CUEDC2: variants seen among roughly 807,000 people sequenced by gnomAD.
The protein encoded by CUEDC2 is CUE domain-containing protein 2.
In CUEDC2, 10 loss-of-function variants were observed where a neutral mutation model predicts 36.0. That is an observed-to-expected ratio of 0.28 (90% CI 0.17 to 0.47). The LOEUF is 0.47. Ranked by LOEUF, CUEDC2 falls within the 20% of genes least tolerant of loss-of-function variation. CUEDC2 has a pLI of 0.99. For missense variants in CUEDC2, 269 were observed against 368.1 expected (o/e 0.73, Z 2.20); for synonymous variants, 133 against 141.8 (o/e 0.94, Z 0.44).
chr10:102,423,483 C>T lies in CUEDC2; in HGVS notation c.807G>A (p.Glu269=). Residue 269 remains glutamate, a synonymous_variant, in exon 9 of 9, where the codon GAG becomes GAA. Transcript: ENST00000369937. This position sits in a 1 kb window ranked among gnomAD's most constrained non-coding sequence, Gnocchi z 5.6. Reference sequence around the variant, plus strand: ...GGTTGATGTATGTGGCCTTCATCTCCTCGGCCTCAGGGTTCCGCACATCTT... The same window carrying T: ...GGTTGATGTATGTGGCCTTCATCTCTTCGGCCTCAGGGTTCCGCACATCTT... ...RFKDVRNPEA[E]EMKATYINLK... is the part of the protein sequence containing the mutation. 1 of 1,614,230 alleles carries T rather than the reference C, an allele frequency of 6.2e-7. No individual in the cohort carries two copies. The highest frequency in any genetic ancestry group is 1.1e-5 in the South Asian group (1 of 91,082).
Position 102,424,246 on chromosome 10 carries a change from AC to A in CUEDC2, c.411+17del. The A allele has an allele frequency of 6.2e-7, 1 of 1,611,984 alleles. No homozygotes were observed. Among genetic ancestry groups the A allele is most frequent in the South Asian group, 1.1e-5 (1 of 90,884 alleles). On this transcript the variant is annotated intron_variant, in intron 5 of 8. Transcript: ENST00000369937. This position sits in a 1 kb window ranked among gnomAD's most constrained non-coding sequence, Gnocchi z 4.2. Reference sequence around the variant, plus strand: ...CCAGCCCCCTGGGTCCCTCATCGGTACCCTCCTCTACCAGTACCTCATCTTG... The same window carrying A: ...CCAGCCCCCTGGGTCCCTCATCGGTACCTCCTCTACCAGTACCTCATCTTG...
intron 1 of CUEDC2, among the ~76,000 whole-genome samples, chr10:102,429,995 T>G (rs537435150): frequency 3.6e-4 from 55 of 151,318 alleles, no homozygotes; most frequent in African/African-American, 1.3e-3. Flanking sequence ...AGACGGGGTT[T>G]CACCATGTTG....
At chr10:102,431,774 C>A (rs2061617322) in intron 1 of CUEDC2, among the ~76,000 whole-genome samples, 1 of 152,224 alleles carries the variant, frequency 6.6e-6, no homozygotes, top group Non-Finnish European at 1.5e-5. Flanking sequence ...AACTGCCCCA[C>A]CTTCACTGCT....
At chr10:102,429,891 C>T (rs566369214) in intron 1 of CUEDC2, among the ~76,000 whole-genome samples, 17 of 149,394 alleles carry the variant, frequency 1.1e-4, no homozygotes, top group African/African-American at 3.5e-4. Flanking sequence ...GTGAACCTGA[C>T]AGGGTCAAGC....
Position 102,424,119 on chromosome 10 carries a change from A to T in CUEDC2, c.471T>A (p.Pro157=). Residue 157 remains proline, a synonymous_variant, in exon 6 of 9, where the codon CCT becomes CCA. Coordinates refer to ENST00000369937, the MANE Select transcript of CUEDC2 (RefSeq NM_024040.3). This position sits in a 1 kb window ranked among gnomAD's most constrained non-coding sequence, Gnocchi z 4.2. ...PGVDVLLEVF[P]TCSVEQAQWV... The stretch of plus-strand genomic sequence containing the variant: ...ACTGGGCCTGCTCCACCGAACAGGT[A>T]GGGAACACCTCCAGGAGTACATCCA... 1.9e-6 allele frequency: 3 copies of T among 1,614,122 alleles called. No homozygotes were observed. Among genetic ancestry groups the T allele is most frequent in the Non-Finnish European group, 2.5e-6 (3 of 1,179,984 alleles).
At chr10:102,429,101 CT>C (rs1474761939) in intron 1 of CUEDC2, among the ~76,000 whole-genome samples, 1 of 152,114 alleles carries the variant, frequency 6.6e-6, no homozygotes, top group Non-Finnish European at 1.5e-5. Context: ...GACATCACCC[CT>C]GACCTAGAAC....
intron 1 of CUEDC2, among the ~76,000 whole-genome samples, chr10:102,429,389 G>A (rs559267272): frequency 1.8e-4 from 27 of 151,922 alleles, no homozygotes; most frequent in East Asian, 7.7e-4. Context: ...GCTTGACTGC[G>A]GTAGTCAGAT....
At chr10:102,427,695 C>G (rs539023468) in intron 1 of CUEDC2, among the ~76,000 whole-genome samples, 1 of 152,254 alleles carries the variant, frequency 6.6e-6, no homozygotes, top group South Asian at 2.1e-4. Flanking sequence ...CCCTTCTCCC[C>G]ACTCCATCTT....
intron 1 of CUEDC2, among the ~76,000 whole-genome samples, chr10:102,426,952 C>T (rs537841479): frequency 1.2e-4 from 18 of 152,100 alleles, no homozygotes; most frequent in Non-Finnish European, 1.9e-4. Context: ...CATGAGTCAC[C>T]GTGCCCGGCC....
chr10:102,424,035 TC>T lies in CUEDC2; in HGVS notation c.554del (p.Gly185GlufsTer28). On this transcript the variant is annotated frameshift_variant, in exon 6 of 9. Transcript: ENST00000369937. LOFTEE classifies it high-confidence loss of function. This position sits in a 1 kb window ranked among gnomAD's most constrained non-coding sequence, Gnocchi z 4.2. ...LEEAVQMLVE[G>X]KEEGPAAWEG... ...CCCAGGCTGCAGGCCCCTCTTCCTT[TC>T]CCTCTACCAGCATCTGCACAGCTTC... 1.9e-6 allele frequency: 3 copies of T among 1,614,044 alleles called. No individual in the cohort carries two copies. The highest frequency in any genetic ancestry group is 2.5e-6 in the Non-Finnish European group (3 of 1,179,972).
In CUEDC2 at chr10:102,423,516, C is replaced by T. The variant is rs1263287117; in HGVS notation, c.774G>A (p.Glu258=). 6.2e-7 allele frequency: 1 copy of T among 1,614,214 alleles called. No homozygotes were observed. Among genetic ancestry groups the T allele is most frequent in the Middle Eastern group, 1.6e-4 (1 of 6,062 alleles). ...IDNQVVSTKG[E]RFKDVRNPEA... ...CAGGGTTCCGCACATCTTTGAATCG[C>T]TCCCCTTTGGTGCTCACTACCTGGT... The change falls in exon 9 of 9, where the codon GAG becomes GAA. Residue 258 remains glutamate (E), a synonymous_variant. Transcript: ENST00000369937. This position sits in a 1 kb window ranked among gnomAD's most constrained non-coding sequence, Gnocchi z 5.6.
intron 1 of CUEDC2, among the ~76,000 whole-genome samples, chr10:102,425,655 C>T (rs766650842): frequency 6.6e-6 from 1 of 151,916 alleles, no homozygotes; most frequent in Non-Finnish European, 1.5e-5. Context: ...GAACAGGCCA[C>T]CCACCCTCTG....
rs768759478 is a variant in CUEDC2 at position 102,424,212 on chromosome 10, C to A, written c.412-34G>T. On this transcript the variant is annotated intron_variant, in intron 5 of 8. Transcript: ENST00000369937. The surrounding 1 kb of genome is among the most constrained non-coding windows in gnomAD (Gnocchi z 4.2). The stretch of plus-strand genomic sequence containing the variant: ...ACAAACGTTAACAAGAGGCAATACT[C>A]CCCCCTTTCCAGCCCCCTGGGTCCC... 2 of 1,610,558 alleles carry A rather than the reference C, an allele frequency of 1.2e-6. No individual in the cohort carries two copies. Among genetic ancestry groups the A allele is most frequent in the East Asian group, 4.5e-5 (2 of 44,840 alleles).
chr10:102,424,776 T>A lies in CUEDC2; in HGVS notation c.91A>T (p.Ile31Phe). 1 of 1,613,596 alleles carries A rather than the reference T, an allele frequency of 6.2e-7. No individual in the cohort carries two copies. Among genetic ancestry groups the A allele is most frequent in the Non-Finnish European group, 8.5e-7 (1 of 1,179,970 alleles). Residue 31 changes from isoleucine to phenylalanine, a missense_variant, in exon 3 of 9, where the codon ATC becomes TTC. Coordinates refer to ENST00000369937, the MANE Select transcript of CUEDC2 (RefSeq NM_024040.3). The surrounding 1 kb of genome is among the most constrained non-coding windows in gnomAD (Gnocchi z 4.2). ...AGGACCCCAAGCACATAGGAGAAGA[T>A]GACCTCATCCAAGCCACTGCAGGAA... ...EADLSGLDEV[I>F]FSYVLGVLED...
At chr10:102,425,067 G>T in intron 2 of CUEDC2, 48 bp downstream of exon 2, 2 of 1,510,170 alleles carry the variant, frequency 1.3e-6, no homozygotes, top group Non-Finnish European at 1.8e-6. Context: ...CTGCCCGGCA[G>T]CTCCAGCTCC....
At chr10:102,425,318 C>T (rs2061592025) in intron 1 of CUEDC2, 120 bp from the exon 2 acceptor site, 1 of 705,138 alleles carries the variant, frequency 1.4e-6, no homozygotes, top group Non-Finnish European at 2.5e-6. Context: ...GCTGCCCTCT[C>T]TGTTCCCCCA....
At chr10:102,425,916 CTG>C (rs1300142667) in intron 1 of CUEDC2, among the ~76,000 whole-genome samples, 1 of 152,108 alleles carries the variant, frequency 6.6e-6, no homozygotes, top group Non-Finnish European at 1.5e-5. Context: ...TTCCTCCTGT[CTG>C]TGTCCTGCGG....
chr10:102,427,550 C>T (rs1169327055), intron 1 of CUEDC2, among the ~76,000 whole-genome samples: 2 of 152,186 alleles, frequency 1.3e-5, no homozygotes, highest in Non-Finnish European at 2.9e-5. Context: ...TGGGAAATAT[C>T]CTTGACACCA....
chr10:102,424,183 G>A lies in CUEDC2; in HGVS notation c.412-5C>T. 1.2e-6 allele frequency: 2 copies of A among 1,613,088 alleles called. No homozygotes were observed. Among genetic ancestry groups the A allele is most frequent in the Middle Eastern group, 1.7e-4 (1 of 6,048 alleles). ...CTCCTCCTCAGCGCCAGTTGCCTAA[G>A]GGTACAAACGTTAACAAGAGGCAAT... is the stretch of plus-strand genomic sequence containing the variant. On this transcript the variant is annotated splice_polypyrimidine_tract_variant and splice_region_variant and intron_variant, in intron 5 of 8. Transcript: ENST00000369937. This position sits in a 1 kb window ranked among gnomAD's most constrained non-coding sequence, Gnocchi z 4.2.
Sources: gnomAD v4.1 joint callset for allele counts (sites outside exome capture counted in the v4.1 genomes callset) on GRCh38, gnomAD v4.1.1 for gene constraint, Gnocchi (gnomAD v3.1) non-coding constraint, MANE v1.5 for transcripts, NCBI Gene and HGNC (gene_info 2026-07-23, HGNC 2026-07-21) for gene names.